Variants in PRR19 observed in about 807,000 individuals in gnomAD.
The protein encoded by PRR19 is proline rich 19, also known as proline-rich protein 19.
In PRR19, 9 loss-of-function variants were observed where a neutral mutation model predicts 19.2. The observed-to-expected ratio is 0.47, with a 90% CI of 0.28 to 0.82. The LOEUF is 0.82. Among genes scored for constraint, PRR19 ranks in the 40% least tolerant of loss-of-function variants. The pLI, the probability that PRR19 is intolerant of heterozygous loss-of-function variation, is 0.11. For missense variants in PRR19, 457 were observed against 466.0 expected (o/e 0.98, Z 0.18); for synonymous variants, 190 against 191.0 (o/e 0.99, Z 0.04).
At chr19:42,307,663 G>T (rs2038726366) in intron 1 of PRR19, among the ~76,000 whole-genome samples, 1 of 150,180 alleles carries the variant, frequency 6.7e-6, no homozygotes, top group African/African-American at 2.5e-5. Context: ...TCGAACTCCT[G>T]ACCTCAAATG....
At chr19:42,303,260 A>G (rs902505332) in intron 1 of PRR19, among the ~76,000 whole-genome samples, 7 of 152,132 alleles carry the variant, frequency 4.6e-5, no homozygotes. Flanking sequence ...AAGAAGGTGC[A>G]GAAAGAGAAA....
In PRR19 at chr19:42,309,990, C is replaced by A. The variant is rs1380851601; in HGVS notation, c.406C>A (p.Pro136Thr). 5.0e-6 allele frequency: 8 copies of A among 1,614,062 alleles called. No individual in the cohort carries two copies. Among genetic ancestry groups the A allele is most frequent in the Non-Finnish European group, 5.9e-6 (7 of 1,180,034 alleles). Residue 136 changes from proline to threonine, a missense_variant, in exon 2 of 3, where the codon CCC (proline) becomes ACC (threonine). Coordinates refer to ENST00000341747, the MANE Select transcript of PRR19 (RefSeq NM_199285.3). Reference protein sequence around the residue: ...QVPGGSGPGPPSSPELSGVGQ... With the variant: ...QVPGGSGPGPTSSPELSGVGQ... ...GCCTGGAGGTTCGGGCCCAGGCCCACCCAGTTCCCCAGAGTTGTCTGGCGT... is the reference window on the plus strand; with the variant it reads ...GCCTGGAGGTTCGGGCCCAGGCCCAACCAGTTCCCCAGAGTTGTCTGGCGT...
rs1435256125 is a variant in PRR19, at chr19:42,302,264, C to T, written c.-246C>T. 2 of 1,606,912 alleles carry T rather than the reference C, an allele frequency of 1.2e-6. No homozygotes were observed. Among genetic ancestry groups the T allele is most frequent in the Non-Finnish European group, 1.7e-6 (2 of 1,177,238 alleles). On this transcript the variant is annotated 5_prime_UTR_variant, in exon 1 of 3. Coordinates refer to ENST00000341747, the MANE Select transcript of PRR19 (RefSeq NM_199285.3). ...ATCCAGCGCCCGTCGCCCTGTACGT[C>T]CTGCACCGGCGTGGGCTTGCTGGCT...
In PRR19 at chr19:42,309,914, A is replaced by T. The variant is rs1285093824; in HGVS notation, c.330A>T (p.Pro110=). ...PTLPAKPSPS[P]GRAQEPAPRS... ...TCCCCGCCAAGCCCTCCCCAAGCCC[A>T]GGCAGGGCCCAGGAACCAGCCCCAC... The change falls in exon 2 of 3, where the codon CCA becomes CCT. Residue 110 remains proline, a synonymous_variant. Coordinates refer to ENST00000341747, the MANE Select transcript of PRR19 (RefSeq NM_199285.3). 1.2e-6 allele frequency: 2 copies of T among 1,613,910 alleles called. No homozygotes were observed. The highest frequency in any genetic ancestry group is 1.7e-6 in the Non-Finnish European group (2 of 1,179,932).
intron 1 of PRR19, among the ~76,000 whole-genome samples, chr19:42,307,788 C>A (rs1429490617): frequency 8.4e-6 from 1 of 119,382 alleles, no homozygotes; most frequent in Non-Finnish European, 1.7e-5. Flanking sequence ...GATGGAGTCT[C>A]GCTCGGTCAT....
chr19:42,309,758 C>T lies in PRR19; in HGVS notation c.174C>T (p.Ala58=). The T allele has an allele frequency of 1.2e-6, 2 of 1,610,454 alleles. No individual in the cohort carries two copies. The highest frequency in any genetic ancestry group is 1.7e-6 in the Non-Finnish European group (2 of 1,177,304). Residue 58 remains alanine, a synonymous_variant, in exon 2 of 3, where the codon GCC becomes GCT. Coordinates refer to ENST00000341747, the MANE Select transcript of PRR19 (RefSeq NM_199285.3). ...GGGATCCACCTGTGGTCCCTACTGC[C>T]TCCAAGCTCGTGGTCATAACCCAGG... ...AIRDPPVVPT[A]SKLVVITQGR...
chr19:42,305,388 C>T (rs2038697305), intron 1 of PRR19, among the ~76,000 whole-genome samples: 1 of 151,408 alleles, frequency 6.6e-6, no homozygotes, highest in Admixed American at 6.6e-5. Context: ...AAGCGATTCT[C>T]CTGCCTCAGC....
Position 42,302,325 on chromosome 19 carries a change from C to A in PRR19, c.-185C>A. 1 of 1,592,028 alleles carries A rather than the reference C, an allele frequency of 6.3e-7. No individual in the cohort carries two copies. The highest frequency in any genetic ancestry group is 1.3e-5 in the African/African-American group (1 of 74,720). ...CTCCACTCATCTTGGCGCCGCAGCT[C>A]CTGCAGGATGAGCGAGTCGGGTCGG... On this transcript the variant is annotated 5_prime_UTR_variant, in exon 1 of 3. Transcript: ENST00000341747.
rs1270887120 is a variant in PRR19, at chr19:42,302,468, G to A, written c.-42G>A. 1.1e-5 allele frequency: 7 copies of A among 627,260 alleles called. No individual in the cohort carries two copies. Among genetic ancestry groups the A allele is most frequent in the African/African-American group, 1.8e-5 (1 of 54,232 alleles). The allele number at this position is 627,260 out of a possible 1,614,324, so 38.9% of individuals were successfully genotyped here. A position where few individuals can be genotyped will look rare whatever the true frequency, so the allele number is the denominator to read the frequency against. ...AGGACGAAGGCCGATACAGGGCGCC[G>A]CCTCCTCTCCAGGGACGGAAGCCTT... On this transcript the variant is annotated 5_prime_UTR_variant, in exon 1 of 3. Coordinates refer to ENST00000341747, the MANE Select transcript of PRR19 (RefSeq NM_199285.3).
chr19:42,309,471 A>G, intron 1 of PRR19, 108 bp from the exon 2 acceptor site: 2 of 797,732 alleles, frequency 2.5e-6, no homozygotes, highest in Non-Finnish European at 4.1e-6. Context: ...GGCCTACCCC[A>G]GTGTTGGTAT....
chr19:42,304,371 C>T (rs1431406633), intron 1 of PRR19, among the ~76,000 whole-genome samples: 2 of 151,180 alleles, frequency 1.3e-5, no homozygotes, highest in Non-Finnish European at 2.9e-5. Context: ...GTAGTCCCAG[C>T]TACTGGGGAG....
chr19:42,309,891 C>A lies in PRR19; in HGVS notation c.307C>A (p.Pro103Thr). The change falls in exon 2 of 3, where the codon CCC (proline) becomes ACC (threonine). Residue 103 changes from proline to threonine, a missense_variant. Physicochemically the swap from Pro to Thr is conservative, Grantham distance 38. Coordinates refer to ENST00000341747, the MANE Select transcript of PRR19 (RefSeq NM_199285.3). ...GTLVPGSPTL[P>T]AKPSPSPGRA... Reference sequence around the variant, plus strand: ...CCTGGTGCCAGGCAGCCCCACACTCCCCGCCAAGCCCTCCCCAAGCCCAGG... The same window carrying A: ...CCTGGTGCCAGGCAGCCCCACACTCACCGCCAAGCCCTCCCCAAGCCCAGG... The A allele has an allele frequency of 6.2e-7, 1 of 1,614,020 alleles. No individual in the cohort carries two copies. The highest frequency in any genetic ancestry group is 8.5e-7 in the Non-Finnish European group (1 of 1,180,008).
At chr19:42,307,747 CTTTTTTTTTTTTTTTTT>C (rs759101368) in intron 1 of PRR19, among the ~76,000 whole-genome samples, 1 of 83,578 alleles carries the variant, frequency 1.2e-5, no homozygotes, top group Non-Finnish European at 2.3e-5. Flanking sequence ...CACCCTCCAT[CTTTTTTTTTTTTTTTTT>C]TTTTTTTTTT....
intron 1 of PRR19, among the ~76,000 whole-genome samples, chr19:42,303,777 G>C (rs2038675437): frequency 6.6e-6 from 1 of 152,192 alleles, no homozygotes; most frequent in Non-Finnish European, 1.5e-5. Context: ...TCCAGACACA[G>C]AGGTGTAGGG....
At chr19:42,302,819 G>A (rs2038660927) in intron 1 of PRR19, 1 of 106,806 alleles carries the variant, frequency 9.4e-6, no homozygotes, top group South Asian at 3.6e-4. Flanking sequence ...GGGGGGGGGT[G>A]ACCCATTCAC....
At chr19:42,302,955 T>G (rs1201866240) in intron 1 of PRR19, among the ~76,000 whole-genome samples, 1 of 151,430 alleles carries the variant, frequency 6.6e-6, no homozygotes, top group Non-Finnish European at 1.5e-5. Flanking sequence ...AAAAGGAAGA[T>G]GACAAAATGT....
Position 42,309,525 on chromosome 19 carries a change from C to T in PRR19, c.-6-54C>T, listed in dbSNP as rs538705868. The T allele has an allele frequency of 1.8e-4, 241 of 1,373,868 alleles. 1 individual carries two copies. The highest frequency in any genetic ancestry group is 1.3e-3 in the South Asian group (88 of 69,604). The allele number at this position is 1,373,868 out of a possible 1,614,324, so 85.1% of individuals were successfully genotyped here. ...CGCCCAGCCCTCCCTATTCACTTTGCTACTCCCCTTGACTTATCTGCATGC... is the reference window on the plus strand; with the variant it reads ...CGCCCAGCCCTCCCTATTCACTTTGTTACTCCCCTTGACTTATCTGCATGC... On this transcript the variant is annotated intron_variant, in intron 1 of 2. Transcript: ENST00000341747.
chr19:42,309,651 C>A lies in PRR19; in HGVS notation c.67C>A (p.Arg23=). 1 of 1,574,648 alleles carries A rather than the reference C, an allele frequency of 6.4e-7. No individual in the cohort carries two copies. Among genetic ancestry groups the A allele is most frequent in the Non-Finnish European group, 8.6e-7 (1 of 1,157,344 alleles). ...QPEKPGRVRR[R]KTRRERNKAL... ...TGAGAAACCTGGTCGTGTCCGTCGTCGGAAGACTAGGCGGGAACGTAACAA... is the reference window on the plus strand; with the variant it reads ...TGAGAAACCTGGTCGTGTCCGTCGTAGGAAGACTAGGCGGGAACGTAACAA... The change falls in exon 2 of 3, where the codon CGG becomes AGG. Residue 23 remains arginine (R), a synonymous_variant. Transcript: ENST00000341747.
chr19:42,302,849 G>T (rs1171518719), intron 1 of PRR19: 3 of 142,916 alleles, frequency 2.1e-5, no homozygotes, highest in Non-Finnish European at 3.0e-5. Flanking sequence ...GGAGGGGAGC[G>T]AGTGGACGAG....
Sources: gnomAD v4.1 joint callset for allele counts (sites outside exome capture counted in the v4.1 genomes callset) on GRCh38, gnomAD v4.1.1 for gene constraint, MANE v1.5 for transcripts, NCBI Gene and HGNC (gene_info 2026-07-23, HGNC 2026-07-21) for gene names.